Variants in NXPH2 observed in about 807,000 individuals in gnomAD.
The protein encoded by NXPH2 is neurexophilin 2.
Under a neutral mutation model 19.8 loss-of-function variants are expected in NXPH2, and 5 were observed. The ratio of observed to expected loss-of-function variants is 0.25; its 90% confidence interval spans 0.13 to 0.53. NXPH2 has a LOEUF of 0.53. NXPH2 is among the 20% of genes least tolerant of loss of function. The probability of loss-of-function intolerance (pLI) is 0.96; values close to 1 mark genes in which losing one functional copy is unlikely to be tolerated. For missense variants in NXPH2, 289 were observed against 322.8 expected, an observed-to-expected ratio of 0.90 and a Z score of 0.80; for synonymous variants, 154 against 127.4, an observed-to-expected ratio of 1.21 and a Z score of -1.41.
chr2:138,695,254 A>T (rs1303000287), intron 1 of NXPH2, among the ~76,000 whole-genome samples: 1 of 152,204 alleles, frequency 6.6e-6, no homozygotes, highest in Non-Finnish European at 1.5e-5. Flanking sequence ...ATAAACAAAA[A>T]TGGTTTTCTA....
chr2:138,761,153 C>T (rs1682008419), intron 1 of NXPH2, among the ~76,000 whole-genome samples: 1 of 152,124 alleles, frequency 6.6e-6, no homozygotes, highest in Non-Finnish European at 1.5e-5. Context: ...CCACCATCTG[C>T]CCCCACCCTC....
chr2:138,761,407 C>T (rs1384794874), intron 1 of NXPH2, among the ~76,000 whole-genome samples: 1 of 152,206 alleles, frequency 6.6e-6, no homozygotes, highest in African/African-American at 2.4e-5. Flanking sequence ...CCAGGACATA[C>T]TCCTAGTCAC....
At chr2:138,778,372 G>C (rs1381763171) in intron 1 of NXPH2, among the ~76,000 whole-genome samples, 1 of 152,116 alleles carries the variant, frequency 6.6e-6, no homozygotes, top group Non-Finnish European at 1.5e-5. Context: ...AGTCCATGCT[G>C]TAATATTAGA....
rs189592357 is a variant in NXPH2, at chr2:138,700,972, C to T, written c.52-29307G>A. Among the ~76,000 whole-genome samples, 11 of 152,056 alleles carry T rather than the reference C, an allele frequency of 7.2e-5. No homozygotes were observed. The East Asian group carries it at 1.2e-3, about 16-fold the overall frequency. On this transcript the variant is annotated intron_variant, in intron 1 of 1. Transcript: ENST00000272641. ...GGCAGTTTGAAAGAGATGTAGAGAACGGCGTTTTAAGAAAAGCGACAAAGG... is the reference window on the plus strand; with the variant it reads ...GGCAGTTTGAAAGAGATGTAGAGAATGGCGTTTTAAGAAAAGCGACAAAGG...
chr2:138,675,373 A>G (rs1477817012), intron 1 of NXPH2, among the ~76,000 whole-genome samples: 1 of 152,146 alleles, frequency 6.6e-6, no homozygotes, highest in Non-Finnish European at 1.5e-5. Flanking sequence ...CCATCATTCA[A>G]CAATCAGTAA....
chr2:138,718,067 C>CTAAACTTAACT lies in NXPH2; in HGVS notation c.52-46403_52-46402insAGTTAAGTTTA, dbSNP rs1453649840. ...AAAATGGGTTCAGGAAGTTAAGTAG[C>CTAAACTTAACT]TGACTAAAAAAAGTTCTAAGAGATG... is the stretch of plus-strand genomic sequence containing the variant. On this transcript the variant is annotated intron_variant, in intron 1 of 1. Transcript: ENST00000272641. 1.6e-4 allele frequency among the ~76,000 whole-genome samples: 24 copies of CTAAACTTAACT among 151,574 alleles called. 1 individual carries two copies. In the South Asian group the frequency reaches 1.7e-3, roughly 11 times the overall value.
chr2:138,769,616 C>A (rs1682144969), intron 1 of NXPH2, among the ~76,000 whole-genome samples: 1 of 152,142 alleles, frequency 6.6e-6, no homozygotes, highest in Non-Finnish European at 1.5e-5. Flanking sequence ...GCAGGCAGGA[C>A]ACTGAAGTTT....
chr2:138,677,438 T>C (rs1467344907), intron 1 of NXPH2, among the ~76,000 whole-genome samples: 1 of 152,212 alleles, frequency 6.6e-6, no homozygotes, highest in Non-Finnish European at 1.5e-5. Flanking sequence ...TACAATGATA[T>C]CATATTAGCT....
chr2:138,730,376 A>G (rs939841561), intron 1 of NXPH2, among the ~76,000 whole-genome samples: 5 of 151,976 alleles, frequency 3.3e-5, no homozygotes, highest in Admixed American at 3.3e-4. Flanking sequence ...TACCTTTTTA[A>G]AGGCTCTATC....
intron 1 of NXPH2, among the ~76,000 whole-genome samples, chr2:138,761,336 A>C (rs1300537369): frequency 1.3e-5 from 2 of 151,884 alleles, no homozygotes; most frequent in Non-Finnish European, 2.9e-5. Flanking sequence ...GCTGCCAACT[A>C]CTCTAGCAAT....
At chr2:138,726,151 G>A (rs185508629) in intron 1 of NXPH2, among the ~76,000 whole-genome samples, 58 of 151,948 alleles carry the variant, frequency 3.8e-4, no homozygotes, top group Non-Finnish European at 8.8e-5. Flanking sequence ...CAAGCAATTC[G>A]CCTGCCTCGG....
At chr2:138,732,676 A>G (rs1681470789) in intron 1 of NXPH2, among the ~76,000 whole-genome samples, 1 of 151,794 alleles carries the variant, frequency 6.6e-6, no homozygotes, top group African/African-American at 2.4e-5. Flanking sequence ...TTCTTTGTCT[A>G]GGGTCTTTTA....
At position 138,671,810 on chromosome 2, in the gene NXPH2, A is replaced by G. The variant is rs576639563; in HGVS notation, c.52-145T>C. ...TTTCACACACACAGCCGGGCTCAAC[A>G]GTGTAACAAGATAAGCATTTAATTC... On this transcript the variant is annotated intron_variant, in intron 1 of 1. Coordinates refer to ENST00000272641, the MANE Select transcript of NXPH2 (RefSeq NM_007226.3). 5.2e-6 allele frequency: 4 copies of G among 765,142 alleles called. No homozygotes were observed. In the African/African-American group the frequency reaches 7.1e-5, roughly 14 times the overall value. 47.4% of individuals were successfully genotyped at this position (765,142 alleles called of 1,614,324 possible).
intron 1 of NXPH2, among the ~76,000 whole-genome samples, chr2:138,692,540 C>T (rs150086703): frequency 4.6e-5 from 7 of 152,074 alleles, no homozygotes; most frequent in Admixed American, 4.6e-4. Context: ...AAGATTAATC[C>T]TAAATGTCCG....
chr2:138,712,976 T>C (rs1425975838), intron 1 of NXPH2, among the ~76,000 whole-genome samples: 4 of 152,346 alleles, frequency 2.6e-5, no homozygotes, highest in South Asian at 2.1e-4. Flanking sequence ...CTAACACTGG[T>C]GATGGTCTTC....
chr2:138,722,712 T>C (rs1165381797), intron 1 of NXPH2, among the ~76,000 whole-genome samples: 2 of 152,208 alleles, frequency 1.3e-5, no homozygotes, highest in Non-Finnish European at 2.9e-5. Context: ...ATATTCTAGA[T>C]AACGTTTAGA....
At chr2:138,714,037 CTTT>C (rs1296040474) in intron 1 of NXPH2, among the ~76,000 whole-genome samples, 1 of 151,860 alleles carries the variant, frequency 6.6e-6, no homozygotes, top group Non-Finnish European at 1.5e-5. Context: ...AGAAGAGCTT[CTTT>C]CTTTTTTCTT....
intron 1 of NXPH2, among the ~76,000 whole-genome samples, chr2:138,694,325 G>A (rs898488733): frequency 2.1e-4 from 32 of 152,218 alleles, no homozygotes; most frequent in African/African-American, 6.0e-4. Flanking sequence ...ACCTGTGATC[G>A]TGACCTTATT....
chr2:138,710,469 C>G (rs1681088924), intron 1 of NXPH2, among the ~76,000 whole-genome samples: 1 of 152,076 alleles, frequency 6.6e-6, no homozygotes, highest in African/African-American at 2.4e-5. Context: ...ATGTTTAGCT[C>G]TTAGAGAAAC....
Sources: gnomAD v4.1 joint callset for allele counts (sites outside exome capture counted in the v4.1 genomes callset) on GRCh38, gnomAD v4.1.1 for gene constraint, MANE v1.5 for transcripts, NCBI Gene and HGNC (gene_info 2026-07-23, HGNC 2026-07-21) for gene names.